IRAG1: variants seen among roughly 807,000 people sequenced by gnomAD.
The protein encoded by IRAG1 is IP3R-associated cGMP kinase substrate.
A neutral mutation model predicts 106.2 loss-of-function variants in IRAG1; 62 were observed. The observed-to-expected ratio is 0.58, with a 90% CI of 0.48 to 0.72. The LOEUF is 0.72. Ranked by LOEUF, IRAG1 falls within the 30% of genes least tolerant of loss-of-function variation. The pLI, the probability that IRAG1 is intolerant of heterozygous loss-of-function variation, is 0.00. For missense variants in IRAG1, 1,064 were observed against 1,140.7 expected (o/e 0.93, Z 0.97); for synonymous variants, 462 against 443.9 (o/e 1.04, Z -0.51).
In IRAG1 at chr11:10,626,217, C is replaced by T. The variant is rs367569597; in HGVS notation, c.1117G>A (p.Glu373Lys). 68 of 1,590,678 alleles carry T rather than the reference C, an allele frequency of 4.3e-5. No homozygotes were observed. In the Middle Eastern group the frequency reaches 8.5e-4, roughly 20 times the overall value. Residue 373 changes from glutamate to lysine, a missense_variant, in exon 9 of 21, where the codon GAG becomes AAG. Glu to Lys is a moderately conservative substitution (Grantham distance 56, BLOSUM62 1). Coordinates refer to ENST00000423302, the MANE Select transcript of IRAG1 (RefSeq NM_130385.4). ...RGPAGEPMGPEAGSKAELPPT... is the reference protein window; with the variant it reads ...RGPAGEPMGPKAGSKAELPPT... ...GGAAGCTCAGCTTTGGAGCCAGCCT[C>T]GGGCCCCATCGGCTCTCCAGCTGGG...
chr11:10,596,057 A>G (rs1298409005), intron 15 of IRAG1, among the ~76,000 whole-genome samples: 2 of 152,216 alleles, frequency 1.3e-5, no homozygotes, highest in Admixed American at 6.5e-5. Flanking sequence ...ATAGTATTCC[A>G]TGGTGTATAT....
intron 11 of IRAG1, among the ~76,000 whole-genome samples, chr11:10,609,360 T>C (rs1161583396): frequency 6.6e-6 from 1 of 152,148 alleles, no homozygotes; most frequent in Admixed American, 6.5e-5. Context: ...TTGGGCAACA[T>C]AGCAAGACCC....
chr11:10,682,286 G>A (rs1411211208), intron 1 of IRAG1, among the ~76,000 whole-genome samples: 1 of 152,196 alleles, frequency 6.6e-6, no homozygotes, highest in Admixed American at 6.5e-5. Flanking sequence ...AGTCTCTGGA[G>A]ATTCAGCAAA....
intron 1 of IRAG1, among the ~76,000 whole-genome samples, chr11:10,691,021 A>G (rs1426885686): frequency 3.3e-5 from 5 of 152,112 alleles, no homozygotes; most frequent in African/African-American, 9.7e-5. Context: ...CTGCTGACCA[A>G]TAAGCCCCAG....
In IRAG1 at chr11:10,657,733, G is replaced by A. The variant is rs540410410; in HGVS notation, c.68-5551C>T. On this transcript the variant is annotated intron_variant, in intron 1 of 20. Coordinates refer to ENST00000423302, the MANE Select transcript of IRAG1 (RefSeq NM_130385.4). This position sits in a 1 kb window ranked among gnomAD's most constrained non-coding sequence, Gnocchi z 4.1. ...CTATCTCTAGATGGACAACTGATGG[G>A]GGGAATTGTTGGGGGTGACTGCACG... 6.6e-6 allele frequency among the ~76,000 whole-genome samples: 1 copy of A among 152,258 alleles called. No homozygotes were observed. The highest frequency in any genetic ancestry group is 1.5e-5 in the Non-Finnish European group (1 of 68,012).
At chr11:10,685,951 C>A (rs1311031503) in intron 1 of IRAG1, among the ~76,000 whole-genome samples, 1 of 152,066 alleles carries the variant, frequency 6.6e-6, no homozygotes, top group Non-Finnish European at 1.5e-5. Flanking sequence ...TCATTGCCTT[C>A]CAAACTACAA....
At chr11:10,633,389 T>G (rs1270816120) in intron 3 of IRAG1, among the ~76,000 whole-genome samples, 1 of 152,204 alleles carries the variant, frequency 6.6e-6, no homozygotes, top group African/African-American at 2.4e-5. Context: ...ATTATCTTTT[T>G]AACTTTTTGA....
intron 18 of IRAG1, among the ~76,000 whole-genome samples, chr11:10,587,874 G>A (rs1852196159): frequency 6.6e-6 from 1 of 152,192 alleles, no homozygotes; most frequent in African/African-American, 2.4e-5. Flanking sequence ...AAAAGGGTAA[G>A]GGCATGTGCT....
intron 2 of IRAG1, among the ~76,000 whole-genome samples, chr11:10,636,054 G>A (rs1239400374): frequency 6.6e-6 from 1 of 152,108 alleles, no homozygotes; most frequent in East Asian, 1.9e-4. Flanking sequence ...AGACAAACCT[G>A]GGCTCAAATT....
intron 10 of IRAG1, among the ~76,000 whole-genome samples, chr11:10,610,422 G>A (rs1408278883): frequency 1.3e-5 from 2 of 152,334 alleles, no homozygotes; most frequent in East Asian, 1.9e-4. Context: ...ACAATGAACA[G>A]CTTTTTGTTT....
chr11:10,608,298 A>T (rs1398731571), intron 11 of IRAG1, among the ~76,000 whole-genome samples: 1 of 151,752 alleles, frequency 6.6e-6, no homozygotes, highest in Non-Finnish European at 1.5e-5. Flanking sequence ...CTAATTTTTT[A>T]TTTTTATTTT....
At chr11:10,624,449 C>T (rs140828586) in intron 9 of IRAG1, among the ~76,000 whole-genome samples, 11 of 152,270 alleles carry the variant, frequency 7.2e-5, no homozygotes, top group African/African-American at 2.4e-4. Flanking sequence ...TGGCAGAGCC[C>T]GGGGAGAGAT....
chr11:10,633,752 C>G (rs1856922789), intron 3 of IRAG1, among the ~76,000 whole-genome samples: 2 of 151,978 alleles, frequency 1.3e-5, no homozygotes, highest in South Asian at 4.1e-4. Flanking sequence ...GTCGCAGAGC[C>G]AAAAGGACCA....
intron 2 of IRAG1, among the ~76,000 whole-genome samples, chr11:10,641,511 A>C: frequency 6.6e-6 from 1 of 152,120 alleles, no homozygotes; most frequent in East Asian, 1.9e-4. Flanking sequence ...CTGCCTCTCA[A>C]ACCAATCAAT....
chr11:10,594,711 A>G (rs893228335), intron 15 of IRAG1, among the ~76,000 whole-genome samples: 1 of 152,216 alleles, frequency 6.6e-6, no homozygotes, highest in African/African-American at 2.4e-5. Context: ...TACATACATT[A>G]AGTGATATAA....
At chr11:10,606,437 C>T (rs1421768352) in intron 12 of IRAG1, among the ~76,000 whole-genome samples, 1 of 152,186 alleles carries the variant, frequency 6.6e-6, no homozygotes, top group Non-Finnish European at 1.5e-5. Context: ...AATTCTGCAG[C>T]CTCCCAGCTG....
chr11:10,693,645 AAGCCTCTGGCTGC>A lies in IRAG1; in HGVS notation c.-56_-44del, dbSNP rs2135304263. The A allele has an allele frequency of 6.5e-7, 1 of 1,532,974 alleles. No homozygotes were observed. The highest frequency in any genetic ancestry group is 1.4e-5 in the African/African-American group (1 of 73,076). The allele number at this position is 1,532,974 out of a possible 1,614,324, so 95.0% of individuals were successfully genotyped here. On this transcript the variant is annotated 5_prime_UTR_variant, in exon 1 of 21. Transcript: ENST00000423302. ...TCTGGCTCCGGAGCTCAGAGCCGAG[AAGCCTCTGGCTGC>A]AGAACCTCGGCCGCACGCCTCCTCT...
chr11:10,687,669 G>A, intron 1 of IRAG1: 1 of 1,282,096 alleles, frequency 7.8e-7, no homozygotes, highest in African/African-American at 1.5e-5. Flanking sequence ...ATCCTCTTGA[G>A]AGGAAGTCCA....
chr11:10,629,938 G>C, intron 4 of IRAG1: 1 of 494,888 alleles, frequency 2.0e-6, no homozygotes, highest in East Asian at 3.3e-5. Context: ...AATGGTCCTG[G>C]AGCCATCTCA....
Sources: allele counts gnomAD v4.1 joint callset (sites outside exome capture counted in the v4.1 genomes callset), GRCh38; gene constraint gnomAD v4.1.1; non-coding constraint Gnocchi (gnomAD v3.1); transcripts MANE v1.5; gene names NCBI Gene and HGNC (gene_info 2026-07-23, HGNC 2026-07-21).